Variants in CDKAL1 observed in about 807,000 individuals in gnomAD.
The protein encoded by CDKAL1 is CDKAL1 threonylcarbamoyladenosine tRNA methylthiotransferase, also known as threonylcarbamoyladenosine tRNA methylthiotransferase.
CDKAL1 carries 32 observed loss-of-function variants against 68.2 expected under a neutral mutation model. The observed-to-expected ratio is 0.47, with a 90% CI of 0.35 to 0.63. The LOEUF (loss-of-function observed/expected upper bound fraction) is 0.63. CDKAL1 is among the 30% of genes least tolerant of loss of function. The pLI, the probability that CDKAL1 is intolerant of heterozygous loss-of-function variation, is 0.00. For missense variants in CDKAL1, 606 were observed against 696.7 expected (o/e 0.87, Z 1.47); for synonymous variants, 234 against 244.3 (o/e 0.96, Z 0.39).
chr6:20,982,505 A>C (rs1179889698), intron 10 of CDKAL1, among the ~76,000 whole-genome samples: 2 of 152,174 alleles, frequency 1.3e-5, no homozygotes, highest in East Asian at 3.8e-4. Flanking sequence ...CATTGGAAAG[A>C]TCTGATCATT....
intron 13 of CDKAL1, among the ~76,000 whole-genome samples, chr6:21,184,446 C>T (rs926784470): frequency 2.0e-5 from 3 of 152,078 alleles, no homozygotes; most frequent in African/African-American, 4.8e-5. Flanking sequence ...CAACCCACCT[C>T]GGCCTGCCCA....
At chr6:21,115,770 A>G (rs1487355899) in intron 13 of CDKAL1, among the ~76,000 whole-genome samples, 1 of 152,194 alleles carries the variant, frequency 6.6e-6, no homozygotes, top group Non-Finnish European at 1.5e-5. Flanking sequence ...TAAGTGTTAA[A>G]TCCATTTCCT....
chr6:20,843,242 ACAC>A (rs1778245552), intron 8 of CDKAL1, among the ~76,000 whole-genome samples: 1 of 151,946 alleles, frequency 6.6e-6, no homozygotes, highest in South Asian at 2.1e-4. Context: ...CTAGATACAG[ACAC>A]CATTCTGAGT....
At chr6:20,850,921 A>G (rs1269357374) in intron 9 of CDKAL1, among the ~76,000 whole-genome samples, 2 of 152,220 alleles carry the variant, frequency 1.3e-5, no homozygotes, top group African/African-American at 4.8e-5. Flanking sequence ...GAGAGAGCTC[A>G]TTAACTTTTG....
chr6:21,226,283 AGT>A (rs1491375966), intron 15 of CDKAL1, among the ~76,000 whole-genome samples: 1 of 116,228 alleles, frequency 8.6e-6, no homozygotes, highest in African/African-American at 3.7e-5. Flanking sequence ...TGAACATGAA[AGT>A]TTTTTTTTTT....
At chr6:21,157,443 C>T (rs528339531) in intron 13 of CDKAL1, among the ~76,000 whole-genome samples, 1 of 152,098 alleles carries the variant, frequency 6.6e-6, no homozygotes. Flanking sequence ...AAGAAACAAA[C>T]AAAAAACGAA....
At chr6:20,979,567 G>A (rs996349079) in intron 10 of CDKAL1, among the ~76,000 whole-genome samples, 19 of 151,882 alleles carry the variant, frequency 1.3e-4, no homozygotes, top group African/African-American at 2.4e-4. Flanking sequence ...CATGTTTCCC[G>A]GGGGTTCGAG....
chr6:21,103,327 A>G (rs774603489), intron 12 of CDKAL1, among the ~76,000 whole-genome samples: 2 of 152,142 alleles, frequency 1.3e-5, no homozygotes, highest in Non-Finnish European at 2.9e-5. Context: ...TATCTTTGAC[A>G]AAAATTGGAA....
intron 10 of CDKAL1, among the ~76,000 whole-genome samples, chr6:20,972,058 T>C (rs1029686831): frequency 2.0e-5 from 3 of 152,238 alleles, no homozygotes; most frequent in Non-Finnish European, 2.9e-5. Flanking sequence ...CTTCTGTTTC[T>C]GTAGTGAGCC....
chr6:20,753,107 A>T (rs189229591), intron 6 of CDKAL1, among the ~76,000 whole-genome samples: 131 of 152,256 alleles, frequency 8.6e-4, no homozygotes, highest in Non-Finnish European at 1.6e-3. Context: ...CCATTACCAC[A>T]ATTAATTTTA....
intron 15 of CDKAL1, among the ~76,000 whole-genome samples, chr6:21,205,563 C>T (rs1778874711): frequency 6.6e-6 from 1 of 152,012 alleles, no homozygotes; most frequent in South Asian, 2.1e-4. Context: ...CAGAGTCTCG[C>T]CCTGTCGCCC....
intron 11 of CDKAL1, among the ~76,000 whole-genome samples, chr6:21,014,454 C>CA (rs1220865574): frequency 6.6e-6 from 1 of 151,776 alleles, no homozygotes; most frequent in Admixed American, 6.6e-5. Context: ...TGCAAACAAA[C>CA]AAAAAAATTA....
intron 11 of CDKAL1, among the ~76,000 whole-genome samples, chr6:21,019,243 C>T (rs1338417181): frequency 1.3e-5 from 2 of 152,188 alleles, no homozygotes; most frequent in African/African-American, 4.8e-5. Context: ...GCCACCAGGG[C>T]TGGCACCTCC....
intron 9 of CDKAL1, among the ~76,000 whole-genome samples, chr6:20,903,259 T>A (rs111459534): frequency 1.3e-5 from 2 of 152,226 alleles, no homozygotes; most frequent in African/African-American, 4.8e-5. Context: ...GTTTCAAAGC[T>A]TTTCTGAGGA....
At chr6:20,711,141 A>C (rs1771825448) in intron 5 of CDKAL1, among the ~76,000 whole-genome samples, 1 of 152,224 alleles carries the variant, frequency 6.6e-6, no homozygotes, top group Admixed American at 6.5e-5. Flanking sequence ...GTAAAAAGCA[A>C]ATAAAAGTTG....
intron 4 of CDKAL1, among the ~76,000 whole-genome samples, chr6:20,616,290 T>C (rs574030722): frequency 6.6e-6 from 1 of 151,520 alleles, no homozygotes; most frequent in Non-Finnish European, 1.5e-5. Flanking sequence ...ATATGAACTT[T>C]AAAGTAGTTT....
rs1268101920 is a variant in CDKAL1, at chr6:20,534,536, T to C, written c.-88T>C. ...AGCTTCCGGAGAGTGGCGGGTTGAT[T>C]TTCTCACTTTGGACTGGTTTTTACT... On this transcript the variant is annotated 5_prime_UTR_variant, in exon 1 of 16. Coordinates refer to ENST00000274695, the MANE Select transcript of CDKAL1 (RefSeq NM_017774.3). The C allele has an allele frequency of 6.5e-6, 1 of 152,750 alleles. No individual in the cohort carries two copies. Among genetic ancestry groups the C allele is most frequent in the African/African-American group, 2.4e-5 (1 of 41,438 alleles). The allele number at this position is 152,750 out of a possible 1,614,324, so 9.5% of individuals were successfully genotyped here. A position where few individuals can be genotyped will look rare whatever the true frequency, so the allele number is the denominator to read the frequency against.
In CDKAL1 at chr6:20,745,683, T is replaced by A. The variant is rs535246113; in HGVS notation, c.468+6068T>A. On this transcript the variant is annotated intron_variant, in intron 6 of 15. Coordinates refer to ENST00000274695, the MANE Select transcript of CDKAL1 (RefSeq NM_017774.3). The stretch of plus-strand genomic sequence containing the variant: ...AGATTGCGTGGGTTCAAATTGCTGA[T>A]CTCAAATTCTCGGCTAATACTAACA... 1.1e-4 allele frequency among the ~76,000 whole-genome samples: 16 copies of A among 152,218 alleles called. No individual in the cohort carries two copies. The South Asian group carries it at 3.1e-3, about 30-fold the overall frequency.
chr6:20,846,708 A>G (rs149116131), intron 9 of CDKAL1, among the ~76,000 whole-genome samples: 1 of 152,312 alleles, frequency 6.6e-6, no homozygotes, highest in African/African-American at 2.4e-5. Flanking sequence ...AATGAGAATG[A>G]TTTGTGTGGG....
Sources: gnomAD v4.1 joint callset for allele counts (sites outside exome capture counted in the v4.1 genomes callset) on GRCh38, gnomAD v4.1.1 for gene constraint, MANE v1.5 for transcripts, NCBI Gene and HGNC (gene_info 2026-07-23, HGNC 2026-07-21) for gene names.